The following CNTN3 variants were observed in gnomAD, a reference collection of about 807,000 sequenced individuals.
The protein encoded by CNTN3 is contactin-3.
A neutral mutation model predicts 119.1 loss-of-function variants in CNTN3; 60 were observed. The ratio of observed to expected loss-of-function variants is 0.50; its 90% CI spans 0.41 to 0.62. The LOEUF (loss-of-function observed/expected upper bound fraction) is 0.62. CNTN3 is among the 20% of genes least tolerant of loss of function. The pLI, the probability that CNTN3 is intolerant of heterozygous loss-of-function variation, is 0.00. For synonymous variants in CNTN3, 450 were observed against 438.7 expected (o/e 1.03, Z -0.32); for missense variants, 1,101 against 1,242.4 (o/e 0.89, Z 1.71).
intron 1 of CNTN3, among the ~76,000 whole-genome samples, chr3:74,570,235 T>C (rs1371393199): frequency 6.6e-6 from 1 of 151,954 alleles, no homozygotes; most frequent in Non-Finnish European, 1.5e-5. Flanking sequence ...AGGGGAATCC[T>C]GGGGGCCATC....
chr3:74,348,281 A>G (rs559044313), intron 11 of CNTN3, among the ~76,000 whole-genome samples: 1 of 152,354 alleles, frequency 6.6e-6, no homozygotes, highest in South Asian at 2.1e-4. Flanking sequence ...ATGTATACAT[A>G]TATCAAAATA....
intron 11 of CNTN3, among the ~76,000 whole-genome samples, chr3:74,344,775 T>C (rs1703651417): frequency 6.6e-6 from 1 of 152,180 alleles, no homozygotes; most frequent in East Asian, 1.9e-4. Context: ...GCAGTGTTTT[T>C]AACCTTTCTA....
chr3:74,286,171 T>G (rs1481887668), intron 19 of CNTN3, among the ~76,000 whole-genome samples: 2 of 151,568 alleles, frequency 1.3e-5, no homozygotes, highest in Non-Finnish European at 1.5e-5. Context: ...CAGAAAAGAG[T>G]GAACGTAAGG....
intron 4 of CNTN3, among the ~76,000 whole-genome samples, chr3:74,450,371 T>C (rs991490620): frequency 5.3e-5 from 8 of 152,044 alleles, no homozygotes; most frequent in Admixed American, 1.3e-4. Context: ...TTTGGAAAGT[T>C]TGATAAATTT....
At chr3:74,452,995 T>C (rs995888538) in intron 4 of CNTN3, among the ~76,000 whole-genome samples, 2 of 151,700 alleles carry the variant, frequency 1.3e-5, no homozygotes, top group African/African-American at 4.8e-5. Context: ...GTTGTGTCTC[T>C]GCCCAGCTTT....
At chr3:74,462,481 A>G (rs1246254358) in intron 4 of CNTN3, among the ~76,000 whole-genome samples, 1 of 152,046 alleles carries the variant, frequency 6.6e-6, no homozygotes, top group Non-Finnish European at 1.5e-5. Context: ...CACTCCAAAA[A>G]TCTAAAGCAG....
intron 4 of CNTN3, among the ~76,000 whole-genome samples, chr3:74,453,137 A>G (rs185519901): frequency 6.6e-6 from 1 of 152,060 alleles, no homozygotes; most frequent in Non-Finnish European, 1.5e-5. Flanking sequence ...CTGTGAATCC[A>G]TCTGGTCCTG....
At chr3:74,558,335 G>T (rs187324038) in intron 1 of CNTN3, among the ~76,000 whole-genome samples, 90 of 152,224 alleles carry the variant, frequency 5.9e-4, no homozygotes, top group African/African-American at 2.1e-3. Context: ...CGTATATGCA[G>T]ATCTCTGTCT....
intron 4 of CNTN3, among the ~76,000 whole-genome samples, chr3:74,455,080 T>C (rs1282228106): frequency 6.6e-6 from 1 of 152,168 alleles, no homozygotes; most frequent in Non-Finnish European, 1.5e-5. Flanking sequence ...GAAGTTCTCC[T>C]GGATAATATC....
intron 3 of CNTN3, among the ~76,000 whole-genome samples, chr3:74,490,151 A>C (rs1702936247): frequency 6.6e-6 from 1 of 152,174 alleles, no homozygotes; most frequent in African/African-American, 2.4e-5. Context: ...ACTGACATTG[A>C]CTTTTAAAGA....
At chr3:74,613,167 T>A (rs1005456409) in intron 1 of CNTN3, among the ~76,000 whole-genome samples, 4 of 152,226 alleles carry the variant, frequency 2.6e-5, no homozygotes, top group Non-Finnish European at 5.9e-5. Context: ...TTCTGATTAA[T>A]TCCTGTTTTT....
intron 1 of CNTN3, among the ~76,000 whole-genome samples, chr3:74,546,607 T>C (rs1353548955): frequency 6.6e-6 from 1 of 152,136 alleles, no homozygotes; most frequent in Non-Finnish European, 1.5e-5. Context: ...AGACTCCAAG[T>C]TCATCAGCCT....
At chr3:74,283,521 T>A (rs1174539085) in intron 20 of CNTN3, among the ~76,000 whole-genome samples, 1 of 152,164 alleles carries the variant, frequency 6.6e-6, no homozygotes, top group Non-Finnish European at 1.5e-5. Context: ...TTTCTATTGA[T>A]TTCTAATCAG....
At chr3:74,295,831 T>C (rs62269910) in intron 18 of CNTN3, among the ~76,000 whole-genome samples, 66,604 of 151,850 alleles carry the variant, frequency 0.44, 14,843 homozygotes, top group South Asian at 0.6. Flanking sequence ...TGGTTCTCCC[T>C]TCTCAGGGCC....
chr3:74,327,301 G>C (rs1414881804), intron 13 of CNTN3, among the ~76,000 whole-genome samples: 1 of 151,520 alleles, frequency 6.6e-6, no homozygotes, highest in South Asian at 2.1e-4. Flanking sequence ...GCTAATTTTT[G>C]TATTTTTAGT....
At chr3:74,315,256 C>T (rs549056017) in intron 13 of CNTN3, among the ~76,000 whole-genome samples, 2 of 152,250 alleles carry the variant, frequency 1.3e-5, no homozygotes, top group South Asian at 4.1e-4. Context: ...CATGAATAAT[C>T]CATCCCTTGT....
At chr3:74,447,454 G>A (rs978543460) in intron 4 of CNTN3, among the ~76,000 whole-genome samples, 6 of 152,192 alleles carry the variant, frequency 3.9e-5, no homozygotes, top group South Asian at 2.1e-4. Context: ...GTGGAAGGTG[G>A]ATCTGGAAGA....
intron 20 of CNTN3, among the ~76,000 whole-genome samples, chr3:74,269,508 C>G (rs1701727494): frequency 6.6e-6 from 1 of 152,234 alleles, no homozygotes; most frequent in South Asian, 2.1e-4. Flanking sequence ...ATATAATTTA[C>G]TTAATCCTCA....
intron 13 of CNTN3, among the ~76,000 whole-genome samples, chr3:74,318,518 G>C (rs1008232762): frequency 1.3e-5 from 2 of 152,176 alleles, no homozygotes; most frequent in East Asian, 1.9e-4. Context: ...GGTTTTTGGT[G>C]TGGATGTCCT....
Sources: gnomAD v4.1 joint callset for allele counts (sites outside exome capture counted in the v4.1 genomes callset) on GRCh38, gnomAD v4.1.1 for gene constraint, MANE v1.5 for transcripts, NCBI Gene and HGNC (gene_info 2026-07-23, HGNC 2026-07-21) for gene names.